Variants in NEBL observed in about 807,000 individuals in gnomAD.
NEBL encodes LIM and SH3 protein 2.
A neutral mutation model predicts 140.2 loss-of-function variants in NEBL; 122 were observed. The ratio of observed to expected loss-of-function variants is 0.87; its 90% CI spans 0.75 to 1.01. The LOEUF (loss-of-function observed/expected upper bound fraction) is 1.01, where lower values mean the gene tolerates loss of function less well. Among genes scored for constraint, NEBL ranks in the 50% least tolerant of loss-of-function variants. The pLI is 0.00. For missense variants in NEBL, 1,365 were observed against 1,231.3 expected (o/e 1.11, Z -1.62); for synonymous variants, 436 against 398.9 (o/e 1.09, Z -1.11).
intron 17 of NEBL, among the ~76,000 whole-genome samples, chr10:20,827,354 C>T (rs1474389079): frequency 2.6e-5 from 4 of 152,162 alleles, no homozygotes; most frequent in Non-Finnish European, 5.9e-5. Flanking sequence ...AAGACTTTCC[C>T]ATTTCTCAGT....
Position 21,272,118 on chromosome 10 carries a change from A to ATTTTTTT in NEBL, n.183-20297_183-20291dup, listed in dbSNP as rs10678454. Among the ~76,000 whole-genome samples, 655 of 79,074 alleles carry ATTTTTTT rather than the reference A, an allele frequency of 8.3e-3. 50 individuals are homozygous for ATTTTTTT. The highest frequency in any genetic ancestry group is 0.036 in the African/African-American group (629 of 17,660). The allele number at this position is 79,074 out of a possible 152,430, so 51.9% of individuals were successfully genotyped here. A position where few individuals can be genotyped will look rare whatever the true frequency, so the allele number is the denominator to read the frequency against. On this transcript the variant is annotated intron_variant and non_coding_transcript_variant, in intron 1 of 8. Coordinates refer to the NEBL transcript ENST00000675702. ...AGGCACCCGCCACCACACTTGGTTA[A>ATTTTTTT]TTTTTTTTTTTTTTTTTTTTTTTTT...
intron 2 of NEBL, among the ~76,000 whole-genome samples, chr10:21,142,702 C>A (rs546594273): frequency 5.3e-5 from 8 of 152,272 alleles, no homozygotes; most frequent in Admixed American, 1.3e-4. Flanking sequence ...GTATGGCGAG[C>A]ATTACTGCTA....
At chr10:20,821,928 A>G (rs1035057924) in intron 19 of NEBL, among the ~76,000 whole-genome samples, 3 of 152,158 alleles carry the variant, frequency 2.0e-5, no homozygotes, top group African/African-American at 7.2e-5. Context: ...TTTCCTCACA[A>G]AACTCAGCTC....
intron 2 of NEBL, among the ~76,000 whole-genome samples, chr10:21,031,653 G>C (rs933402715): frequency 2.0e-5 from 3 of 152,186 alleles, no homozygotes; most frequent in African/African-American, 7.2e-5. Flanking sequence ...ATCAAGAACA[G>C]AACAGAGTCA....
chr10:21,037,333 A>G (rs1382940363), intron 2 of NEBL, among the ~76,000 whole-genome samples: 1 of 152,188 alleles, frequency 6.6e-6, no homozygotes, highest in African/African-American at 2.4e-5. Flanking sequence ...AGGAGCAGAT[A>G]ATTCATGCAT....
intron 26 of NEBL, among the ~76,000 whole-genome samples, chr10:20,795,827 T>A (rs1383518497): frequency 6.6e-6 from 1 of 152,186 alleles, no homozygotes; most frequent in African/African-American, 2.4e-5. Context: ...GAATAAGCAA[T>A]GCTGTCACCA....
chr10:20,809,981 G>C lies in NEBL; in HGVS notation c.2519-83C>G, dbSNP rs537668379. The C allele has an allele frequency of 2.4e-5, 24 of 985,126 alleles. No homozygotes were observed. In the South Asian group the frequency reaches 3.3e-4, roughly 13 times the overall value. The allele number at this position is 985,126 out of a possible 1,614,324, so 61.0% of individuals were successfully genotyped here. On this transcript the variant is annotated intron_variant, in intron 24 of 27. Coordinates refer to ENST00000377122, the MANE Select transcript of NEBL (RefSeq NM_006393.3). ...AAAAAAAAAAAGCCAGTACCCAAAA[G>C]AGTCAAGACAAAGTCTGCAAAGGAA...
At chr10:20,813,715 A>C in intron 23 of NEBL, 1 of 537,008 alleles carries the variant, frequency 1.9e-6, no homozygotes, top group East Asian at 3.2e-5. Flanking sequence ...TAGTCACGTT[A>C]GAAATAAAGA....
At chr10:20,811,737 C>G (rs1324148353) in intron 24 of NEBL, among the ~76,000 whole-genome samples, 1 of 152,196 alleles carries the variant, frequency 6.6e-6, no homozygotes, top group Non-Finnish European at 1.5e-5. Context: ...TAAGCTCCTA[C>G]TTTTGAAGAT....
intron 2 of NEBL, among the ~76,000 whole-genome samples, chr10:21,107,069 A>G (rs1837751868): frequency 6.6e-6 from 1 of 152,054 alleles, no homozygotes; most frequent in Non-Finnish European, 1.5e-5. Context: ...TTATCAGCTT[A>G]AGGAGATTTT....
At chr10:20,847,671 C>T (rs543420710) in intron 11 of NEBL, among the ~76,000 whole-genome samples, 23 of 152,158 alleles carry the variant, frequency 1.5e-4, no homozygotes, top group African/African-American at 5.3e-4. Context: ...GGAGGTCCAG[C>T]CTGAAATACT....
intron 2 of NEBL, among the ~76,000 whole-genome samples, chr10:21,024,990 T>C (rs1411656419): frequency 6.6e-6 from 1 of 152,126 alleles, no homozygotes. Context: ...TTGTGAAAGG[T>C]CTTCCTAAAA....
At chr10:21,078,389 A>C (rs1036534821) in intron 2 of NEBL, among the ~76,000 whole-genome samples, 3 of 152,236 alleles carry the variant, frequency 2.0e-5, no homozygotes, top group African/African-American at 7.2e-5. Context: ...GAAATACTCT[A>C]AATAAAAAAC....
Position 21,169,060 on chromosome 10 carries a change from AAAAAAAAATATAT to A in NEBL, c.164+3310_164+3322del, listed in dbSNP as rs1371486958. Among the ~76,000 whole-genome samples, 329 of 57,534 alleles carry A rather than the reference AAAAAAAAATATAT, an allele frequency of 5.7e-3. 2 individuals are homozygous for A. The highest frequency in any genetic ancestry group is 0.019 in the African/African-American group (302 of 15,938). The allele number at this position is 57,534 out of a possible 152,430, so 37.7% of individuals were successfully genotyped here. On this transcript the variant is annotated intron_variant, in intron 2 of 6. Coordinates refer to the NEBL transcript ENST00000417816. Reference sequence around the variant, plus strand: ...TGAGACTCCGTCTACAAAAAAAAAAAAAAAAAAATATATATATATATATATATATATATATATA... The same window carrying A: ...TGAGACTCCGTCTACAAAAAAAAAAAATATATATATATATATATATATATA...
chr10:21,027,790 C>T lies in NEBL; in HGVS notation c.165-7589G>A, dbSNP rs140960995. 3.9e-3 allele frequency among the ~76,000 whole-genome samples: 587 copies of T among 152,136 alleles called. 2 individuals are homozygous for T. Among genetic ancestry groups the T allele is most frequent in the African/African-American group, 0.014 (567 of 41,476 alleles). On this transcript the variant is annotated intron_variant, in intron 2 of 6. Transcript: ENST00000417816. Reference sequence around the variant, plus strand: ...CAAGGAAGTCATTTTACCCAATGACCAAGACCATAACTAACTGTTAGGGAT... The same window carrying T: ...CAAGGAAGTCATTTTACCCAATGACTAAGACCATAACTAACTGTTAGGGAT...
chr10:20,813,940 A>G lies in NEBL; in HGVS notation c.2345T>C (p.Met782Thr). Reference sequence around the variant, plus strand: ...AAGAATGATCTGGTTGGACCCTACCATTGAAATATGATTTTGTGCTTCTTT... The same window carrying G: ...AAGAATGATCTGGTTGGACCCTACCGTTGAAATATGATTTTGTGCTTCTTT... ...HVKEAQNHISMVKYHEDFEKT... is the reference protein window; with the variant it reads ...HVKEAQNHISTVKYHEDFEKT... The change falls in exon 23 of 28, where the codon ATG becomes ACG. Residue 782 changes from methionine (M) to threonine (T), a missense_variant and splice_region_variant. Coordinates refer to ENST00000377122, the MANE Select transcript of NEBL (RefSeq NM_006393.3). 1 of 1,574,310 alleles carries G rather than the reference A, an allele frequency of 6.4e-7. No homozygotes were observed. The highest frequency in any genetic ancestry group is 8.7e-7 in the Non-Finnish European group (1 of 1,143,952).
chr10:20,976,976 C>G (rs1347589662), intron 3 of NEBL, among the ~76,000 whole-genome samples: 3 of 146,968 alleles, frequency 2.0e-5, no homozygotes, highest in Non-Finnish European at 4.5e-5. Context: ...AACAAAGGAA[C>G]ATAGCCAACC....
chr10:21,169,067 A>AAAAAATATATATATATAT (rs1554830679), intron 2 of NEBL, among the ~76,000 whole-genome samples: 1 of 23,078 alleles, frequency 4.3e-5, no homozygotes, highest in Non-Finnish European at 8.7e-5. Context: ...AAAAAAAAAA[A>AAAAAATATATATATATAT]ATATATATAT....
At chr10:21,011,336 G>A (rs1161431561) in intron 3 of NEBL, among the ~76,000 whole-genome samples, 1 of 152,160 alleles carries the variant, frequency 6.6e-6, no homozygotes, top group African/African-American at 2.4e-5. Context: ...AGAAAACCAA[G>A]CTTCTTTATG....
Sources: allele counts gnomAD v4.1 joint callset (sites outside exome capture counted in the v4.1 genomes callset), GRCh38; gene constraint gnomAD v4.1.1; transcripts MANE v1.5; gene names NCBI Gene and HGNC (gene_info 2026-07-23, HGNC 2026-07-21).